CRIM1: variants seen among roughly 807,000 people sequenced by gnomAD.
The protein encoded by CRIM1 is cysteine rich transmembrane BMP regulator 1.
Under a neutral mutation model 116.4 loss-of-function variants are expected in CRIM1, and 32 were observed. The observed-to-expected ratio is 0.27, with a 90% CI of 0.21 to 0.37. CRIM1 has a LOEUF of 0.37. Among genes scored for constraint, CRIM1 ranks in the 10% least tolerant of loss-of-function variants. The pLI is 1.00. For missense variants in CRIM1, 1,331 were observed against 1,354.8 expected (o/e 0.98, Z 0.28); for synonymous variants, 590 against 509.2 (o/e 1.16, Z -2.13).
In CRIM1 at chr2:36,510,238, G is replaced by T. The variant is rs528470253; in HGVS notation, c.1658+99G>T. On this transcript the variant is annotated intron_variant, in intron 9 of 16. Transcript: ENST00000280527. ...TATGTTGTTTGTGAATTAATCTATG[G>T]TATATTGAGCCCAGAATGTCTATAC... is the stretch of plus-strand genomic sequence containing the variant. 27 of 1,176,074 alleles carry T rather than the reference G, an allele frequency of 2.3e-5. No individual in the cohort carries two copies. The African/African-American group carries it at 3.4e-4, about 15-fold the overall frequency. The allele number at this position is 1,176,074 out of a possible 1,614,324, so 72.9% of individuals were successfully genotyped here.
At chr2:36,428,794 C>G (rs531415176) in intron 2 of CRIM1, among the ~76,000 whole-genome samples, 5 of 152,192 alleles carry the variant, frequency 3.3e-5, no homozygotes, top group Non-Finnish European at 7.3e-5. Flanking sequence ...ATTATTCTTA[C>G]AGTTCATTGT....
rs376714520 is a variant in CRIM1, at chr2:36,387,926, C to G, written c.332-8688C>G. Among the ~76,000 whole-genome samples the G allele has an allele frequency of 1.5e-4, 22 of 145,542 alleles. 1 individual carries two copies. In the East Asian group the frequency reaches 2.8e-3, roughly 19 times the overall value. ...GATTCTTTGGACTTACTCTGTTGCT[C>G]TTTTTTCAAGTTGGATGCTTAGTTC... On this transcript the variant is annotated intron_variant, in intron 1 of 16. Coordinates refer to ENST00000280527, the MANE Select transcript of CRIM1 (RefSeq NM_016441.3).
chr2:36,502,443 G>T (rs2125091513), intron 8 of CRIM1, among the ~76,000 whole-genome samples: 1 of 152,280 alleles, frequency 6.6e-6, no homozygotes, highest in East Asian at 1.9e-4. Context: ...AATAGGTACA[G>T]GAGGAGACCA....
At chr2:36,486,139 A>G (rs923711421) in intron 7 of CRIM1, among the ~76,000 whole-genome samples, 1 of 152,246 alleles carries the variant, frequency 6.6e-6, no homozygotes, top group Non-Finnish European at 1.5e-5. Flanking sequence ...AATGCAAAAG[A>G]CACTCACATC....
chr2:36,517,463 G>A lies in CRIM1; in HGVS notation c.2127G>A (p.Leu709=), dbSNP rs1178125130. The A allele has an allele frequency of 5.6e-6, 9 of 1,614,236 alleles. No individual in the cohort carries two copies. Among genetic ancestry groups the A allele is most frequent in the South Asian group, 5.5e-5 (5 of 91,086 alleles). The change falls in exon 12 of 17, where the codon CTG becomes CTA. Residue 709 remains leucine, a synonymous_variant. Transcript: ENST00000280527. Reference sequence around the variant, plus strand: ...GCACCTGCCACAGCGGACGGGTGCTGTGTGAGACAGAGGTGTGCCCACCGC... The same window carrying A: ...GCACCTGCCACAGCGGACGGGTGCTATGTGAGACAGAGGTGTGCCCACCGC... ...TQCTCHSGRV[L]CETEVCPPLL...
chr2:36,358,190 T>C (rs911770120), intron 1 of CRIM1, among the ~76,000 whole-genome samples: 2 of 152,208 alleles, frequency 1.3e-5, no homozygotes, highest in African/African-American at 4.8e-5. Context: ...TGTCCCCTTT[T>C]ATAACTTGTT....
chr2:36,545,619 G>A (rs1034548777), intron 15 of CRIM1, among the ~76,000 whole-genome samples: 1 of 152,052 alleles, frequency 6.6e-6, no homozygotes, highest in East Asian at 1.9e-4. Context: ...AGTTGTTTCC[G>A]TTTTTGGCTT....
At chr2:36,385,966 A>C in intron 1 of CRIM1, among the ~76,000 whole-genome samples, 1 of 152,222 alleles carries the variant, frequency 6.6e-6, no homozygotes, top group East Asian at 1.9e-4. Flanking sequence ...CTCTTCACCT[A>C]GTATAATGAA....
chr2:36,394,342 A>G (rs1671847671), intron 1 of CRIM1, among the ~76,000 whole-genome samples: 1 of 152,204 alleles, frequency 6.6e-6, no homozygotes, highest in African/African-American at 2.4e-5. Flanking sequence ...CTTCATGGCA[A>G]ATCTGACTGA....
intron 11 of CRIM1, among the ~76,000 whole-genome samples, chr2:36,516,116 T>G (rs564578128): frequency 1.3e-5 from 2 of 152,236 alleles, no homozygotes; most frequent in Non-Finnish European, 2.9e-5. Flanking sequence ...AAAGCTGTAT[T>G]AGAAGTTGTT....
intron 4 of CRIM1, among the ~76,000 whole-genome samples, chr2:36,457,392 G>A (rs1443061149): frequency 6.6e-6 from 1 of 152,092 alleles, no homozygotes; most frequent in African/African-American, 2.4e-5. Context: ...TTTTCTGGTG[G>A]TCTTCAAAGG....
chr2:36,419,520 A>G (rs2124850609), intron 2 of CRIM1, among the ~76,000 whole-genome samples: 1 of 152,344 alleles, frequency 6.6e-6, no homozygotes, highest in African/African-American at 2.4e-5. Context: ...TGCCCAGGCC[A>G]TTCACATTCC....
At chr2:36,434,044 C>T (rs954924866) in intron 2 of CRIM1, among the ~76,000 whole-genome samples, 1 of 152,146 alleles carries the variant, frequency 6.6e-6, no homozygotes, top group Non-Finnish European at 1.5e-5. Flanking sequence ...CGGAACAAGT[C>T]TTCACAGCAA....
rs963960063 is a variant in CRIM1 at position 36,550,097 on chromosome 2, A to G, written c.*1396A>G. ...CGCACGCACGCCTTGAGCAGTCAGCATTGCACCTGCTATGGAGAAGGGTAT... is the reference window on the plus strand; with the variant it reads ...CGCACGCACGCCTTGAGCAGTCAGCGTTGCACCTGCTATGGAGAAGGGTAT... On this transcript the variant is annotated 3_prime_UTR_variant, in exon 17 of 17. Transcript: ENST00000280527. The G allele has an allele frequency of 3.3e-5, 5 of 152,418 alleles. No homozygotes were observed. The highest frequency in any genetic ancestry group is 1.2e-4 in the African/African-American group (5 of 41,358). The allele number at this position is 152,418 out of a possible 1,614,324, so 9.4% of individuals were successfully genotyped here. A position where few individuals can be genotyped will look rare whatever the true frequency, so the allele number is the denominator to read the frequency against.
intron 4 of CRIM1, among the ~76,000 whole-genome samples, chr2:36,461,931 C>T (rs1028646912): frequency 3.3e-5 from 5 of 152,182 alleles, no homozygotes; most frequent in Non-Finnish European, 5.9e-5. Flanking sequence ...GTTCTTTCAT[C>T]AGCTCTTTCT....
intron 2 of CRIM1, among the ~76,000 whole-genome samples, chr2:36,417,217 T>G (rs1002537636): frequency 6.6e-6 from 1 of 152,170 alleles, no homozygotes; most frequent in African/African-American, 2.4e-5. Flanking sequence ...TCTGACATCC[T>G]TTTCTTCACC....
At chr2:36,409,346 T>C (rs1206196989) in intron 2 of CRIM1, among the ~76,000 whole-genome samples, 2 of 152,232 alleles carry the variant, frequency 1.3e-5, no homozygotes, top group African/African-American at 4.8e-5. Context: ...TTTGATTGGT[T>C]GTACCCTAGA....
At chr2:36,383,333 A>ATT (rs1343487588) in intron 1 of CRIM1, among the ~76,000 whole-genome samples, 1 of 152,240 alleles carries the variant, frequency 6.6e-6, no homozygotes, top group African/African-American at 2.4e-5. Flanking sequence ...TCTGAAAGTT[A>ATT]CCTGCTTCCT....
intron 2 of CRIM1, among the ~76,000 whole-genome samples, chr2:36,440,714 C>G (rs1313485475): frequency 6.6e-6 from 1 of 152,212 alleles, no homozygotes; most frequent in Admixed American, 6.5e-5. Context: ...CATTATCCAT[C>G]TTGCTAAGCT....
Sources: allele counts gnomAD v4.1 joint callset (sites outside exome capture counted in the v4.1 genomes callset), GRCh38; gene constraint gnomAD v4.1.1; transcripts MANE v1.5; gene names NCBI Gene and HGNC (gene_info 2026-07-23, HGNC 2026-07-21).